Variants in ITPR2 observed in about 807,000 individuals in gnomAD.
ITPR2 encodes the protein inositol 1,4,5-trisphosphate receptor type 2, also known as inositol 1,4,5-trisphosphate-gated calcium channel ITPR2.
In ITPR2, 207 loss-of-function variants were observed where a neutral mutation model predicts 317.1. The observed-to-expected ratio is 0.65, with a 90% CI of 0.58 to 0.73. The LOEUF (loss-of-function observed/expected upper bound fraction) is 0.73, where lower values mean the gene tolerates loss of function less well. Ranked by LOEUF, ITPR2 falls within the 30% of genes least tolerant of loss-of-function variation. ITPR2 has a pLI of 0.00. For missense variants in ITPR2, 2,613 were observed against 3,284.0 expected, an observed-to-expected ratio of 0.80 and a Z score of 4.99; for synonymous variants, 1,156 against 1,149.1, an observed-to-expected ratio of 1.01 and a Z score of -0.12.
chr12:26,760,928 T>C (rs1467280948), intron 2 of ITPR2, among the ~76,000 whole-genome samples: 2 of 152,212 alleles, frequency 1.3e-5, no homozygotes, highest in Non-Finnish European at 2.9e-5. Flanking sequence ...CTAGCCTCCA[T>C]GGTCCCAGGC....
At chr12:26,717,434 T>A (rs1181668789) in intron 5 of ITPR2, among the ~76,000 whole-genome samples, 1 of 152,198 alleles carries the variant, frequency 6.6e-6, no homozygotes, top group Non-Finnish European at 1.5e-5. Context: ...AGCCTCAAGC[T>A]CACCAACCAA....
intron 34 of ITPR2, among the ~76,000 whole-genome samples, chr12:26,572,086 C>A (rs568272482): frequency 2.6e-5 from 4 of 152,206 alleles, no homozygotes; most frequent in Admixed American, 6.5e-5. Flanking sequence ...ATATGCATAT[C>A]CCTTGTTCTG....
At chr12:26,652,100 G>C (rs1190814218) in intron 21 of ITPR2, among the ~76,000 whole-genome samples, 1 of 152,132 alleles carries the variant, frequency 6.6e-6, no homozygotes, top group Admixed American at 6.5e-5. Context: ...TTCTAAGGGT[G>C]ATTTTCATAC....
chr12:26,832,734 G>A lies in ITPR2; in HGVS notation c.48C>T (p.Ser16=). 1.2e-6 allele frequency: 2 copies of A among 1,601,404 alleles called. No individual in the cohort carries two copies. The highest frequency in any genetic ancestry group is 1.7e-6 in the Non-Finnish European group (2 of 1,174,764). The part of the protein sequence containing the change: ...SSFLYIGDIV[S]LYAEGSVNGF... ...CGTTGACCGAGCCCTCCGCGTACAG[G>A]GACACGATGTCCCCTATGTAGAGGA... Residue 16 remains serine, a synonymous_variant, in exon 1 of 57, where the codon TCC becomes TCT. Transcript: ENST00000381340.
intron 43 of ITPR2, among the ~76,000 whole-genome samples, chr12:26,479,613 T>A (rs988900863): frequency 6.6e-6 from 1 of 152,200 alleles, no homozygotes; most frequent in Non-Finnish European, 1.5e-5. Flanking sequence ...CTGACTATCT[T>A]ACAGGCCTAG....
At chr12:26,443,718 A>C in intron 45 of ITPR2, 68 bp from the exon 46 acceptor site, 1 of 1,179,218 alleles carries the variant, frequency 8.5e-7, no homozygotes, top group African/African-American at 1.5e-5. Flanking sequence ...ACTTTGCAAT[A>C]TCTTTGTCTA....
At chr12:26,424,253 T>A (rs1343521864) in intron 49 of ITPR2, among the ~76,000 whole-genome samples, 1 of 152,234 alleles carries the variant, frequency 6.6e-6, no homozygotes, top group African/African-American at 2.4e-5. Context: ...CAGGCTTTAG[T>A]ATCTTCCTTT....
At chr12:26,407,205 T>G (rs1271555937) in intron 52 of ITPR2, among the ~76,000 whole-genome samples, 1 of 152,200 alleles carries the variant, frequency 6.6e-6, no homozygotes, top group African/African-American at 2.4e-5. Flanking sequence ...AGAAATGATG[T>G]TCTTTGTGTA....
chr12:26,484,994 C>T (rs920470910), intron 41 of ITPR2, among the ~76,000 whole-genome samples: 3 of 151,614 alleles, frequency 2.0e-5, no homozygotes, highest in African/African-American at 4.9e-5. Context: ...GGATTACAGG[C>T]GTGAGCCACT....
intron 1 of ITPR2, among the ~76,000 whole-genome samples, chr12:26,812,237 T>C (rs938987707): frequency 6.6e-6 from 1 of 151,886 alleles, no homozygotes; most frequent in Non-Finnish European, 1.5e-5. Flanking sequence ...ATTCAATTCC[T>C]GCTAATAAAT....
intron 48 of ITPR2, 81 bp from the exon 49 acceptor site, chr12:26,428,169 G>T: frequency 2.0e-6 from 2 of 1,009,524 alleles, no homozygotes; most frequent in South Asian, 4.4e-5. Flanking sequence ...ACTTTATATG[G>T]TATCATTAAG....
intron 55 of ITPR2, among the ~76,000 whole-genome samples, chr12:26,342,853 C>G (rs1938179459): frequency 6.6e-6 from 1 of 151,988 alleles, no homozygotes; most frequent in South Asian, 2.1e-4. Flanking sequence ...AAGTGATCCG[C>G]CTGCCTCGGC....
intron 49 of ITPR2, chr12:26,421,289 A>G (rs1940883087): frequency 6.6e-6 from 1 of 152,162 alleles, no homozygotes; most frequent in Non-Finnish European, 1.5e-5. Flanking sequence ...TTCATTTTTG[A>G]ACCTTGATCT....
chr12:26,657,683 G>C (rs376389344), intron 18 of ITPR2, 24 bp downstream of exon 18: 1 of 1,595,824 alleles, frequency 6.3e-7, no homozygotes. Flanking sequence ...GGGAATTATT[G>C]TAAGATTGTC....
rs200892401 is a variant in ITPR2 at position 26,621,306 on chromosome 12, A to T, written c.3289-10T>A. 2.5e-6 allele frequency: 4 copies of T among 1,590,782 alleles called. No homozygotes were observed. The highest frequency in any genetic ancestry group is 3.4e-6 in the Non-Finnish European group (4 of 1,166,018). ...ACACCAGTAATTGCACCTAAAACAG[A>T]AGAATTTCAATCTTAGTTGAAGTTC... On this transcript the variant is annotated splice_polypyrimidine_tract_variant and intron_variant, in intron 25 of 56. Transcript: ENST00000381340.
Position 26,595,602 on chromosome 12 carries a change from T to G in ITPR2, c.4255-12A>C. On this transcript the variant is annotated splice_polypyrimidine_tract_variant and intron_variant, in intron 31 of 56. Transcript: ENST00000381340. ...TAAGCAATTTTAACCTGTGCAAGTT[T>G]CAAATACAAAAGAAAGTTAGTTTTC... 1.3e-6 allele frequency: 2 copies of G among 1,536,136 alleles called. No homozygotes were observed. The highest frequency in any genetic ancestry group is 2.8e-5 in the African/African-American group (2 of 70,204).
At chr12:26,626,570 T>A (rs576630739) in intron 23 of ITPR2, among the ~76,000 whole-genome samples, 29 of 152,338 alleles carry the variant, frequency 1.9e-4, no homozygotes, top group African/African-American at 6.7e-4. Context: ...GCCATATCAT[T>A]CCTGGAAATA....
chr12:26,430,418 C>G (rs7310244), intron 48 of ITPR2, among the ~76,000 whole-genome samples: 6,170 of 152,260 alleles, frequency 0.041, 369 homozygotes, highest in African/African-American at 0.14. Flanking sequence ...TGCCTGCCAC[C>G]ACGTCTGGCT....
At chr12:26,371,512 G>A (rs530599285) in intron 55 of ITPR2, among the ~76,000 whole-genome samples, 4 of 152,294 alleles carry the variant, frequency 2.6e-5, no homozygotes, top group East Asian at 1.9e-4. Context: ...AGTGGTAAAC[G>A]CTTTGGATAG....
Sources: gnomAD v4.1 joint callset for allele counts (sites outside exome capture counted in the v4.1 genomes callset) on GRCh38, gnomAD v4.1.1 for gene constraint, MANE v1.5 for transcripts, NCBI Gene and HGNC (gene_info 2026-07-23, HGNC 2026-07-21) for gene names.